The following FGF14 variants were observed in gnomAD, a reference collection of about 807,000 sequenced individuals.
FGF14 encodes the protein fibroblast growth factor 14, also known as fibroblast growth factor homologous factor 4.
FGF14 carries 5 observed loss-of-function variants against 25.5 expected under a neutral mutation model. The ratio of observed to expected loss-of-function variants is 0.20; its 90% CI spans 0.10 to 0.41. The LOEUF is 0.41. FGF14 is among the 10% of genes least tolerant of loss of function. The pLI, the probability that FGF14 is intolerant of heterozygous loss-of-function variation, is 1.00. For missense variants in FGF14, 222 were observed against 320.1 expected (o/e 0.69, Z 2.34); for synonymous variants, 138 against 118.3 (o/e 1.17, Z -1.08).
intron 1 of FGF14, among the ~76,000 whole-genome samples, chr13:102,207,957 A>G (rs1384877289): frequency 6.6e-6 from 1 of 152,190 alleles, no homozygotes; most frequent in African/African-American, 2.4e-5. Context: ...GTTTAGTGGG[A>G]TTGTGCCTTT....
intron 3 of FGF14, among the ~76,000 whole-genome samples, chr13:101,798,029 C>T (rs922242456): frequency 1.3e-5 from 2 of 152,036 alleles, no homozygotes; most frequent in African/African-American, 2.4e-5. Flanking sequence ...CGCTGTTCTT[C>T]GATAAGCTGT....
intron 3 of FGF14, among the ~76,000 whole-genome samples, chr13:101,794,293 T>A (rs1337867187): frequency 6.6e-6 from 1 of 152,080 alleles, no homozygotes; most frequent in Non-Finnish European, 1.5e-5. Context: ...CAGTCAGCTC[T>A]CTTTCTCTAC....
At chr13:101,827,072 T>A (rs554997198) in intron 3 of FGF14, among the ~76,000 whole-genome samples, 6 of 152,144 alleles carry the variant, frequency 3.9e-5, no homozygotes, top group African/African-American at 1.4e-4. Flanking sequence ...ACATGACAGC[T>A]TCCAGCTAGA....
intron 3 of FGF14, among the ~76,000 whole-genome samples, chr13:101,788,382 T>C (rs1022440844): frequency 6.6e-5 from 10 of 152,166 alleles, no homozygotes; most frequent in Admixed American, 2.0e-4. Flanking sequence ...GGACTGTACA[T>C]AGGAAAATTA....
At chr13:101,756,206 G>GATT (rs1279561686) in intron 3 of FGF14, among the ~76,000 whole-genome samples, 2 of 152,098 alleles carry the variant, frequency 1.3e-5, no homozygotes, top group Non-Finnish European at 2.9e-5. Flanking sequence ...TATGAACTTA[G>GATT]ATTAAAGTTA....
At chr13:102,011,070 G>A (rs2040053692) in intron 1 of FGF14, among the ~76,000 whole-genome samples, 1 of 152,150 alleles carries the variant, frequency 6.6e-6, no homozygotes, top group South Asian at 2.1e-4. Context: ...TTTATGAGAG[G>A]ATGAGAGTCC....
At chr13:102,371,384 T>C (rs750474412) in intron 1 of FGF14, among the ~76,000 whole-genome samples, 3 of 152,122 alleles carry the variant, frequency 2.0e-5, no homozygotes, top group Non-Finnish European at 4.4e-5. Flanking sequence ...TTATTCTTTT[T>C]TACTCATTAT....
intron 4 of FGF14, among the ~76,000 whole-genome samples, chr13:101,723,380 C>G (rs1001559420): frequency 6.6e-6 from 1 of 152,026 alleles, no homozygotes; most frequent in Non-Finnish European, 1.5e-5. Context: ...ACATGAACTT[C>G]TCATTCACTT....
chr13:102,387,661 A>G (rs553962467), intron 1 of FGF14, among the ~76,000 whole-genome samples: 6 of 152,004 alleles, frequency 3.9e-5, no homozygotes, highest in Non-Finnish European at 8.8e-5. Flanking sequence ...GGTTTGGTGT[A>G]CAGATTATTT....
chr13:101,880,748 T>C (rs2138795045), intron 1 of FGF14, among the ~76,000 whole-genome samples: 1 of 152,324 alleles, frequency 6.6e-6, no homozygotes, highest in East Asian at 1.9e-4. Flanking sequence ...ATAAATCCCT[T>C]GATAATTTGC....
chr13:101,903,518 C>G (rs2031841334), intron 1 of FGF14, among the ~76,000 whole-genome samples: 1 of 151,688 alleles, frequency 6.6e-6, no homozygotes, highest in African/African-American at 2.4e-5. Flanking sequence ...ATTAAACAGA[C>G]TTTTAGTGGA....
chr13:102,064,338 A>G (rs2140119107), intron 1 of FGF14, among the ~76,000 whole-genome samples: 1 of 152,258 alleles, frequency 6.6e-6, no homozygotes, highest in African/African-American at 2.4e-5. Flanking sequence ...TGAGATAAAG[A>G]CAGACATAAT....
At chr13:102,016,730 T>A (rs964824832) in intron 1 of FGF14, among the ~76,000 whole-genome samples, 1 of 152,118 alleles carries the variant, frequency 6.6e-6, no homozygotes, top group African/African-American at 2.4e-5. Context: ...AAGTGATCCA[T>A]CTGCCTTGGC....
intron 1 of FGF14, among the ~76,000 whole-genome samples, chr13:102,221,009 T>A (rs1189834481): frequency 6.6e-6 from 1 of 152,236 alleles, no homozygotes; most frequent in Non-Finnish European, 1.5e-5. Context: ...TTAAGAGTAC[T>A]CTGTAAATAG....
At chr13:101,843,218 A>G (rs1030835931) in intron 3 of FGF14, among the ~76,000 whole-genome samples, 154 of 152,156 alleles carry the variant, frequency 1.0e-3, no homozygotes, top group Non-Finnish European at 9.6e-4. Context: ...CAGGTAACAG[A>G]TCTAGTTTTT....
At chr13:102,047,047 A>G (rs1309426768) in intron 1 of FGF14, among the ~76,000 whole-genome samples, 1 of 152,120 alleles carries the variant, frequency 6.6e-6, no homozygotes, top group Non-Finnish European at 1.5e-5. Flanking sequence ...AAATCATACA[A>G]CTCTGGACAG....
intron 1 of FGF14, among the ~76,000 whole-genome samples, chr13:102,092,759 C>T (rs1355633995): frequency 6.6e-6 from 1 of 152,112 alleles, no homozygotes; most frequent in South Asian, 2.1e-4. Context: ...ATTAGATACA[C>T]AGGGTGAACA....
At chr13:102,396,229 T>C (rs2058579802) in intron 1 of FGF14, among the ~76,000 whole-genome samples, 1 of 152,112 alleles carries the variant, frequency 6.6e-6, no homozygotes, top group African/African-American at 2.4e-5. Flanking sequence ...ACCTCCACAG[T>C]CCCTCCTGGA....
chr13:102,144,654 G>A lies in FGF14; in HGVS notation c.208+256817C>T, dbSNP rs117723032. On this transcript the variant is annotated intron_variant, in intron 1 of 4. Coordinates refer to the FGF14 transcript ENST00000376131. ...TTATGTAGTACATCTGAGTTGTAGA[G>A]AATTGGAAAAATCATGAATCATTCA... 5.8e-3 allele frequency among the ~76,000 whole-genome samples: 879 copies of A among 152,174 alleles called. 4 individuals carry two copies. Among genetic ancestry groups the A allele is most frequent in the Non-Finnish European group, 9.9e-3 (670 of 68,002 alleles).
Sources: gnomAD v4.1 joint callset for allele counts (sites outside exome capture counted in the v4.1 genomes callset) on GRCh38, gnomAD v4.1.1 for gene constraint, MANE v1.5 for transcripts, NCBI Gene and HGNC (gene_info 2026-07-23, HGNC 2026-07-21) for gene names.